Variants in TBC1D8 observed in about 807,000 individuals in gnomAD.
The protein encoded by TBC1D8 is BUB2-like protein 1.
In TBC1D8, 65 loss-of-function variants were observed where a neutral mutation model predicts 118.8. That is an observed-to-expected ratio of 0.55 (90% CI 0.45 to 0.67). The LOEUF (loss-of-function observed/expected upper bound fraction) is 0.67, where lower values mean the gene tolerates loss of function less well. Ranked by LOEUF, TBC1D8 falls within the 30% of genes least tolerant of loss-of-function variation. The pLI, the probability that TBC1D8 is intolerant of heterozygous loss-of-function variation, is 0.00. For synonymous variants in TBC1D8, 566 were observed against 595.8 expected, an observed-to-expected ratio of 0.95 and a Z score of 0.73; for missense variants, 1,376 against 1,471.2, an observed-to-expected ratio of 0.94 and a Z score of 1.06.
chr2:101,136,823 T>C (rs1678871589), intron 1 of TBC1D8, among the ~76,000 whole-genome samples: 1 of 152,204 alleles, frequency 6.6e-6, no homozygotes, highest in Non-Finnish European at 1.5e-5. Context: ...TCACATTTAT[T>C]TTTAATTATA....
At chr2:101,074,352 T>A (rs1333250269) in intron 2 of TBC1D8, among the ~76,000 whole-genome samples, 1 of 152,124 alleles carries the variant, frequency 6.6e-6, no homozygotes, top group Non-Finnish European at 1.5e-5. Context: ...TGATAACAGA[T>A]CACCATTAAC....
intron 1 of TBC1D8, among the ~76,000 whole-genome samples, chr2:101,116,886 C>T (rs1339639829): frequency 6.6e-6 from 1 of 152,116 alleles, no homozygotes; most frequent in African/African-American, 2.4e-5. Context: ...AAGTGATCTG[C>T]CGCCTCAGCC....
chr2:101,073,299 TA>T (rs35601777), intron 2 of TBC1D8, among the ~76,000 whole-genome samples: 30 of 124,366 alleles, frequency 2.4e-4, no homozygotes, highest in African/African-American at 7.0e-4. Context: ...TTATTTTATT[TA>T]TTTTTTTTTT....
At chr2:101,098,102 C>T (rs776585281) in intron 1 of TBC1D8, among the ~76,000 whole-genome samples, 11 of 151,990 alleles carry the variant, frequency 7.2e-5, no homozygotes, top group Non-Finnish European at 1.5e-4. Context: ...AAGAACAAAG[C>T]AATGAATAAA....
chr2:101,112,453 A>G (rs534014809), intron 1 of TBC1D8, among the ~76,000 whole-genome samples: 2 of 152,354 alleles, frequency 1.3e-5, no homozygotes, highest in Non-Finnish European at 2.9e-5. Flanking sequence ...CAGGGCCATA[A>G]TGGGAGAAGG....
intron 1 of TBC1D8, among the ~76,000 whole-genome samples, chr2:101,104,310 C>T (rs145229784): frequency 5.3e-5 from 8 of 152,284 alleles, no homozygotes; most frequent in South Asian, 2.1e-4. Flanking sequence ...ACAGATTCAA[C>T]GCAATCCCAA....
intron 3 of TBC1D8, among the ~76,000 whole-genome samples, chr2:101,057,967 C>T (rs148214698): frequency 7.2e-5 from 11 of 152,276 alleles, no homozygotes; most frequent in African/African-American, 1.4e-4. Context: ...ATCACTGTAG[C>T]GAAAGTTAAT....
intron 17 of TBC1D8, among the ~76,000 whole-genome samples, chr2:101,018,623 A>C (rs1027676432): frequency 6.6e-6 from 1 of 152,224 alleles, no homozygotes; most frequent in African/African-American, 2.4e-5. Flanking sequence ...CATTTCAGAG[A>C]GCCTATCTGT....
chr2:101,074,771 C>T (rs1013384244), intron 2 of TBC1D8, among the ~76,000 whole-genome samples: 1 of 152,086 alleles, frequency 6.6e-6, no homozygotes, highest in Admixed American at 6.5e-5. Context: ...TAAGTTATAA[C>T]TATGTAGTTT....
At chr2:101,035,479 G>C (rs999448079) in intron 9 of TBC1D8, among the ~76,000 whole-genome samples, 4 of 152,178 alleles carry the variant, frequency 2.6e-5, no homozygotes, top group Admixed American at 6.5e-5. Context: ...CCGGGGCTCT[G>C]AAGCTAAAAG....
chr2:101,052,938 GGT>G (rs1346880794), intron 4 of TBC1D8, among the ~76,000 whole-genome samples: 1 of 152,110 alleles, frequency 6.6e-6, no homozygotes, highest in Non-Finnish European at 1.5e-5. Flanking sequence ...TTTATACACA[GGT>G]ATATGCTCCA....
chr2:101,035,796 A>C (rs1459470547), intron 9 of TBC1D8, among the ~76,000 whole-genome samples: 5 of 152,102 alleles, frequency 3.3e-5, no homozygotes, highest in African/African-American at 1.2e-4. Context: ...CAGACCTCGC[A>C]TTTACCCAGT....
At chr2:101,031,408 A>C (rs1216643200) in intron 11 of TBC1D8, among the ~76,000 whole-genome samples, 2 of 152,174 alleles carry the variant, frequency 1.3e-5, no homozygotes, top group African/African-American at 4.8e-5. Flanking sequence ...CTTAGGACAC[A>C]GTCTTCAAGG....
At chr2:101,150,895 C>T (rs920746616) in intron 1 of TBC1D8, among the ~76,000 whole-genome samples, 2 of 152,186 alleles carry the variant, frequency 1.3e-5, no homozygotes, top group South Asian at 2.1e-4. Flanking sequence ...GCGAAGACAC[C>T]TGCCTCGCCC....
chr2:101,138,205 A>C (rs531220826), intron 1 of TBC1D8, among the ~76,000 whole-genome samples: 15 of 152,320 alleles, frequency 9.8e-5, no homozygotes, highest in African/African-American at 3.6e-4. Context: ...CCCCACCTCC[A>C]ACACTGGGGA....
At chr2:101,017,194 AAC>A (rs1679717411) in intron 17 of TBC1D8, among the ~76,000 whole-genome samples, 1 of 152,108 alleles carries the variant, frequency 6.6e-6, no homozygotes, top group South Asian at 2.1e-4. Flanking sequence ...CATGGGCAAT[AAC>A]ACACACAAAG....
In TBC1D8 at chr2:101,008,160, C is replaced by T. The variant is rs756987250; in HGVS notation, c.3129G>A (p.Gly1043=). 8.7e-6 allele frequency: 14 copies of T among 1,613,702 alleles called. No individual in the cohort carries two copies. The South Asian group carries it at 1.1e-4, about 13-fold the overall frequency. Reference sequence around the variant, plus strand: ...AGCTGCTGCCTCGCTGCCCCACCTCCCCGATCTGCAGCAGCAGTGTGGTGA... The same window carrying T: ...AGCTGCTGCCTCGCTGCCCCACCTCTCCGATCTGCAGCAGCAGTGTGGTGA... The part of the protein sequence containing the change: ...ATVTTLLLQI[G]EVGQRGSSSG... Residue 1043 remains glycine, a synonymous_variant, in exon 20 of 20, where the codon GGG becomes GGA. Coordinates refer to ENST00000409318, the MANE Select transcript of TBC1D8 (RefSeq NM_001330348.2).
intron 2 of TBC1D8, among the ~76,000 whole-genome samples, chr2:101,066,093 A>C (rs913527457): frequency 7.9e-5 from 12 of 152,136 alleles, no homozygotes; most frequent in Admixed American, 7.9e-4. Flanking sequence ...CAGCCTGGCC[A>C]ACATGGTGAA....
chr2:101,037,557 C>G lies in TBC1D8; in HGVS notation c.1427G>C (p.Gly476Ala). 6.2e-7 allele frequency: 1 copy of G among 1,612,834 alleles called. No homozygotes were observed. Among genetic ancestry groups the G allele is most frequent in the African/African-American group, 1.3e-5 (1 of 75,034 alleles). Reference sequence around the variant, plus strand: ...CATTCGGGAGTCAGGGCTCTGGCTGCCTGACTGCTGGAAGGCGGTGACCAG... The same window carrying G: ...CATTCGGGAGTCAGGGCTCTGGCTGGCTGACTGCTGGAAGGCGGTGACCAG... The part of the protein sequence containing the change: ...DALVTAFQQS[G>A]SQSPDSRMSR... The change falls in exon 8 of 20, where the codon GGC (glycine) becomes GCC (alanine). Residue 476 changes from glycine to alanine, a missense_variant. Transcript: ENST00000409318.
Sources: allele counts gnomAD v4.1 joint callset (sites outside exome capture counted in the v4.1 genomes callset), GRCh38; gene constraint gnomAD v4.1.1; transcripts MANE v1.5; gene names NCBI Gene and HGNC (gene_info 2026-07-23, HGNC 2026-07-21).